Variants in CMYA5 observed in about 807,000 individuals in gnomAD.
CMYA5 encodes cardiomyopathy associated 5, also known as cardiomyopathy-associated protein 5.
In CMYA5, 246 loss-of-function variants were observed where a neutral mutation model predicts 318.9. The observed-to-expected ratio is 0.77, with a 90% CI of 0.70 to 0.86. The LOEUF is 0.86. Ranked by LOEUF, CMYA5 falls within the 40% of genes least tolerant of loss-of-function variation. The probability of loss-of-function intolerance (pLI) is 0.00; values close to 1 mark genes in which losing one functional copy is unlikely to be tolerated. For synonymous variants in CMYA5, 1,641 were observed against 1,729.5 expected (o/e 0.95, Z 1.27); for missense variants, 4,589 against 4,678.2 (o/e 0.98, Z 0.56).
At chr5:79,744,518 G>A (rs1828280110) in intron 3 of CMYA5, among the ~76,000 whole-genome samples, 1 of 152,214 alleles carries the variant, frequency 6.6e-6, no homozygotes, top group Non-Finnish European at 1.5e-5. Context: ...CTGGCAGAGG[G>A]CCTGAGGCCA....
chr5:79,739,580 A>G (rs1470770527), intron 2 of CMYA5, among the ~76,000 whole-genome samples, 177 bp downstream of exon 2: 1 of 152,194 alleles, frequency 6.6e-6, no homozygotes, highest in Non-Finnish European at 1.5e-5. Context: ...CTTGACAGAC[A>G]TTCATTGAGT....
At chr5:79,742,333 C>T (rs1039172644) in intron 2 of CMYA5, among the ~76,000 whole-genome samples, 2 of 151,918 alleles carry the variant, frequency 1.3e-5, no homozygotes, top group African/African-American at 4.8e-5. Context: ...ACTAGAGACA[C>T]ATGCCATCAC....
At position 79,733,952 on chromosome 5, in the gene CMYA5, T is replaced by C; in HGVS notation, c.5187T>C (p.Pro1729=). ...TCAGCCTAGAGTCGAAAGAACCACCTGCCTCTGTAGCTGAAGGAGGCAACC... is the reference window on the plus strand; with the variant it reads ...TCAGCCTAGAGTCGAAAGAACCACCCGCCTCTGTAGCTGAAGGAGGCAACC... ...KIISLESKEP[P]ASVAEGGNPE... The change falls in exon 2 of 13, where the codon CCT becomes CCC. Residue 1729 remains proline (P), a synonymous_variant. Transcript: ENST00000446378. The C allele has an allele frequency of 6.2e-7, 1 of 1,613,508 alleles. No homozygotes were observed.
chr5:79,730,968 G>A lies in CMYA5; in HGVS notation c.2203G>A (p.Glu735Lys). ...TTCTGAGTACATGATTCCATCAGAAGAGAAGGAAGACACTGGATCGTTTAC... is the reference window on the plus strand; with the variant it reads ...TTCTGAGTACATGATTCCATCAGAAAAGAAGGAAGACACTGGATCGTTTAC... ...GVSEYMIPSE[E>K]KEDTGSFTPA... Residue 735 changes from glutamate (E) to lysine (K), a missense_variant, in exon 2 of 13, where the codon GAG (glutamate) becomes AAG (lysine). Around this residue, in one of 3 missense-constraint regions of CMYA5, gnomAD observed 2,132 missense variants for 2,131.3 expected, o/e 1.00. Transcript: ENST00000446378. 6.2e-7 allele frequency: 1 copy of A among 1,614,020 alleles called. No homozygotes were observed. Among genetic ancestry groups the A allele is most frequent in the Non-Finnish European group, 8.5e-7 (1 of 1,179,898 alleles).
intron 9 of CMYA5, among the ~76,000 whole-genome samples, chr5:79,772,311 CTA>C (rs890305799): frequency 7.2e-5 from 11 of 152,180 alleles, no homozygotes; most frequent in Non-Finnish European, 1.0e-4. Flanking sequence ...GGGTTCTTTG[CTA>C]TTGAGTGGTT....
chr5:79,711,540 C>T (rs927564327), intron 1 of CMYA5, among the ~76,000 whole-genome samples: 17 of 151,990 alleles, frequency 1.1e-4, no homozygotes, highest in South Asian at 4.1e-4. Context: ...TCTTTCAGGT[C>T]GCAAAGGCTA....
Position 79,799,873 on chromosome 5 carries a change from A to ACGACGACCACCG in CMYA5, c.*257_*258insCGACGACCACCG. The ACGACGACCACCG allele has an allele frequency of 7.0e-6, 1 of 142,348 alleles. No homozygotes were observed. The allele number at this position is 142,348 out of a possible 1,614,324, so 8.8% of individuals were successfully genotyped here. A position where few individuals can be genotyped will look rare whatever the true frequency, so the allele number is the denominator to read the frequency against. On this transcript the variant is annotated 3_prime_UTR_variant, in exon 13 of 13. Coordinates refer to ENST00000446378, the MANE Select transcript of CMYA5 (RefSeq NM_153610.5). ...AAGTTTGAGTTCTTTCCTAAATTAA[A>ACGACGACCACCG]AGATCTACACTTGAGTTGGGAACCG...
intron 12 of CMYA5, among the ~76,000 whole-genome samples, chr5:79,798,605 C>T (rs772735664): frequency 9.9e-5 from 15 of 152,126 alleles, no homozygotes; most frequent in Admixed American, 2.0e-4. Context: ...AGCCGTGGTC[C>T]GAGTTTCAAA....
chr5:79,748,740 T>G (rs1828379627), intron 5 of CMYA5, among the ~76,000 whole-genome samples: 1 of 151,852 alleles, frequency 6.6e-6, no homozygotes, highest in Non-Finnish European at 1.5e-5. Flanking sequence ...GATGGAGTTT[T>G]GTCATGTTGC....
At chr5:79,775,903 C>G in intron 9 of CMYA5, among the ~76,000 whole-genome samples, 1 of 152,124 alleles carries the variant, frequency 6.6e-6, no homozygotes, top group East Asian at 1.9e-4. Flanking sequence ...TACTAAGCTC[C>G]TGGGATTCTC....
intron 7 of CMYA5, among the ~76,000 whole-genome samples, chr5:79,759,955 C>A (rs1324390640): frequency 6.6e-6 from 1 of 152,192 alleles, no homozygotes; most frequent in Non-Finnish European, 1.5e-5. Context: ...GTTACTATCC[C>A]TATTTGCAAG....
chr5:79,715,303 T>C (rs79251070), intron 1 of CMYA5, among the ~76,000 whole-genome samples: 6 of 151,778 alleles, frequency 4.0e-5, no homozygotes, highest in African/African-American at 1.2e-4. Context: ...ATTTTTTTTT[T>C]CTGTGACAGA....
intron 9 of CMYA5, among the ~76,000 whole-genome samples, chr5:79,774,751 C>T (rs1409316065): frequency 3.3e-5 from 5 of 152,112 alleles, no homozygotes; most frequent in Admixed American, 3.3e-4. Context: ...TGGGGCCCCA[C>T]CTGGTGGAGC....
intron 1 of CMYA5, among the ~76,000 whole-genome samples, chr5:79,698,559 T>TG (rs1258389401): frequency 1.3e-5 from 2 of 152,228 alleles, no homozygotes; most frequent in African/African-American, 2.4e-5. Flanking sequence ...TCTTTGCTCT[T>TG]GCTGTCTGCT....
Position 79,720,427 on chromosome 5 carries a change from AATTTTTTTTT to A in CMYA5, c.150-8487_150-8478del, listed in dbSNP as rs1222345605. The stretch of plus-strand genomic sequence containing the variant: ...CTAAGATAAAAATAACTGCCAATCT[AATTTTTTTTT>A]TTTTTTTTTTTTTTTTGAGAAGGAG... On this transcript the variant is annotated intron_variant, in intron 1 of 12. Transcript: ENST00000446378. Among the ~76,000 whole-genome samples the A allele has an allele frequency of 8.8e-5, 12 of 136,844 alleles. No homozygotes were observed. The South Asian group carries it at 1.5e-3, about 17-fold the overall frequency. 89.8% of individuals were successfully genotyped at this position (136,844 alleles called of 152,430 possible).
At chr5:79,760,740 G>A (rs893501697) in intron 7 of CMYA5, among the ~76,000 whole-genome samples, 31 of 152,272 alleles carry the variant, frequency 2.0e-4, no homozygotes, top group African/African-American at 7.5e-4. Context: ...GATCTGGGTG[G>A]GGACACAGAA....
In CMYA5 at chr5:79,733,016, C is replaced by T. The variant is rs1561208540; in HGVS notation, c.4251C>T (p.Asp1417=). 6.2e-7 allele frequency: 1 copy of T among 1,613,378 alleles called. No individual in the cohort carries two copies. Among genetic ancestry groups the T allele is most frequent in the Admixed American group, 1.7e-5 (1 of 59,890 alleles). The change falls in exon 2 of 13, where the codon GAC becomes GAT. Residue 1417 remains aspartate (D), a synonymous_variant. Coordinates refer to ENST00000446378, the MANE Select transcript of CMYA5 (RefSeq NM_153610.5). Reference sequence around the variant, plus strand: ...AACATTCAGTTCTTGCAGAAGAAGACAAGGTGGCAATTAAAGGTGCTTCTC... The same window carrying T: ...AACATTCAGTTCTTGCAGAAGAAGATAAGGTGGCAATTAAAGGTGCTTCTC... ...ADEHSVLAEE[D]KVAIKGASPI... is the part of the protein sequence containing the mutation.
intron 9 of CMYA5, among the ~76,000 whole-genome samples, chr5:79,772,494 T>G (rs1403204225): frequency 6.6e-6 from 1 of 152,192 alleles, no homozygotes; most frequent in Non-Finnish European, 1.5e-5. Context: ...CTCTCCAACC[T>G]CTGGATCCCT....
intron 9 of CMYA5, among the ~76,000 whole-genome samples, chr5:79,775,251 T>A (rs896195017): frequency 2.0e-5 from 3 of 152,206 alleles, no homozygotes; most frequent in Admixed American, 6.5e-5. Flanking sequence ...CCAAATGACC[T>A]TATTTGACTT....
Sources: allele counts gnomAD v4.1 joint callset (sites outside exome capture counted in the v4.1 genomes callset), GRCh38; gene constraint gnomAD v4.1.1; regional missense constraint gnomAD v4.1.1; transcripts MANE v1.5; gene names NCBI Gene and HGNC (gene_info 2026-07-23, HGNC 2026-07-21).